Variants in HOPX observed in about 807,000 individuals in gnomAD.
HOPX encodes the protein HOP homeobox.
In HOPX, 5 loss-of-function variants were observed where a neutral mutation model predicts 11.8. The ratio of observed to expected loss-of-function variants is 0.43; its 90% CI spans 0.22 to 0.89. The LOEUF is 0.89. Among genes scored for constraint, HOPX ranks in the 40% least tolerant of loss-of-function variants. The probability of loss-of-function intolerance (pLI) is 0.28; values close to 1 mark genes in which losing one functional copy is unlikely to be tolerated. For missense variants in HOPX, 119 were observed against 120.0 expected, an observed-to-expected ratio of 0.99 and a Z score of 0.04; for synonymous variants, 49 against 49.7, an observed-to-expected ratio of 0.99 and a Z score of 0.06.
chr4:56,677,654 G>A (rs942937374), intron 1 of HOPX, among the ~76,000 whole-genome samples: 18 of 151,556 alleles, frequency 1.2e-4, no homozygotes, highest in Non-Finnish European at 1.8e-4. Context: ...GGGTGGAGCC[G>A]GTGAGGCTCT....
chr4:56,656,175 GC>G, intron 2 of HOPX, 163 bp from the exon 3 acceptor site: 1 of 1,104,820 alleles, frequency 9.1e-7, no homozygotes, highest in Non-Finnish European at 1.2e-6. Context: ...CTGAGCGGGG[GC>G]TTACGGCTGC....
At chr4:56,660,568 A>AT (rs369721959) in intron 1 of HOPX, among the ~76,000 whole-genome samples, 1 of 151,498 alleles carries the variant, frequency 6.6e-6, no homozygotes, top group African/African-American at 2.4e-5. Flanking sequence ...TTGAAAAAAA[A>AT]TTTTTTTTCC....
In HOPX at chr4:56,651,598, A is replaced by G. The variant is rs185420373; in HGVS notation, c.199-2801T>C. On this transcript the variant is annotated intron_variant, in intron 3 of 3. Transcript: ENST00000420433. Reference sequence around the variant, plus strand: ...TTTATTTACTCTGAATAAACAGATGATAATTAGACACTGTGATGGGTAGGG... The same window carrying G: ...TTTATTTACTCTGAATAAACAGATGGTAATTAGACACTGTGATGGGTAGGG... Among the ~76,000 whole-genome samples, 4 of 152,324 alleles carry G rather than the reference A, an allele frequency of 2.6e-5. No homozygotes were observed. The East Asian group carries it at 7.7e-4, about 29-fold the overall frequency.
chr4:56,654,398 C>T (rs977643626), intron 3 of HOPX, among the ~76,000 whole-genome samples: 2 of 152,184 alleles, frequency 1.3e-5, no homozygotes, highest in African/African-American at 4.8e-5. Context: ...GCTGTGCCCA[C>T]AATATTTCAC....
At chr4:56,662,714 T>G (rs1052352766) in intron 1 of HOPX, 1 of 152,416 alleles carries the variant, frequency 6.6e-6, no homozygotes, top group African/African-American at 2.4e-5. Flanking sequence ...TAACCTCAAG[T>G]GATCTGCCCG....
chr4:56,671,231 A>G (rs909937799), intron 1 of HOPX, among the ~76,000 whole-genome samples: 4 of 152,010 alleles, frequency 2.6e-5, no homozygotes, highest in African/African-American at 9.7e-5. Context: ...CAAATTACAT[A>G]GTAAGATACA....
chr4:56,656,507 G>A, intron 2 of HOPX: 6 of 984,852 alleles, frequency 6.1e-6, no homozygotes, highest in Non-Finnish European at 7.2e-6. Context: ...CTCCCCGGTA[G>A]GCGGCCTTCT....
intron 1 of HOPX, among the ~76,000 whole-genome samples, chr4:56,673,968 G>A: frequency 6.6e-6 from 1 of 151,588 alleles, no homozygotes; most frequent in Non-Finnish European, 1.5e-5. Context: ...TCCTCCCAAA[G>A]TGCTGGGATT....
chr4:56,652,478 C>T (rs1336348848), intron 3 of HOPX, among the ~76,000 whole-genome samples: 1 of 152,080 alleles, frequency 6.6e-6, no homozygotes, highest in Non-Finnish European at 1.5e-5. Flanking sequence ...GCTTTAGTGA[C>T]CCTTTCCCAT....
At chr4:56,676,077 G>T (rs1339478115) in intron 1 of HOPX, among the ~76,000 whole-genome samples, 1 of 151,568 alleles carries the variant, frequency 6.6e-6, no homozygotes, top group African/African-American at 2.4e-5. Flanking sequence ...TGGACAGATC[G>T]TTTGAGCTCA....
chr4:56,655,431 C>G (rs564210859), intron 3 of HOPX, among the ~76,000 whole-genome samples: 37 of 152,330 alleles, frequency 2.4e-4, no homozygotes, highest in African/African-American at 8.7e-4. Context: ...CCAGCTCTGA[C>G]ATTCCCGCCT....
intron 3 of HOPX, among the ~76,000 whole-genome samples, chr4:56,654,677 G>T (rs1717506361): frequency 6.6e-6 from 1 of 152,194 alleles, no homozygotes; most frequent in African/African-American, 2.4e-5. Context: ...GCTCTCCAAA[G>T]AGTGCCTCTG....
intron 3 of HOPX, among the ~76,000 whole-genome samples, chr4:56,653,629 G>A (rs1380871687): frequency 6.6e-6 from 1 of 152,154 alleles, no homozygotes; most frequent in Non-Finnish European, 1.5e-5. Flanking sequence ...CAGGAAGACA[G>A]AGGGGCAAGC....
rs1367123934 is a variant in HOPX, at chr4:56,648,180, G to T, written c.*540C>A. On this transcript the variant is annotated 3_prime_UTR_variant, in exon 4 of 4. Transcript: ENST00000420433. ...GAGTTTCTGTCTTCTGGCCCAACAG[G>T]CTTCTTTCCAAGTTAATGCAGCTAT... is the stretch of plus-strand genomic sequence containing the variant. 1 of 152,010 alleles carries T rather than the reference G, an allele frequency of 6.6e-6. No homozygotes were observed. The highest frequency in any genetic ancestry group is 1.5e-5 in the Non-Finnish European group (1 of 68,012). 9.4% of individuals were successfully genotyped at this position (152,010 alleles called of 1,614,324 possible). A position where few individuals can be genotyped will look rare whatever the true frequency, so the allele number is the denominator to read the frequency against.
chr4:56,674,395 C>G (rs1718895322), intron 1 of HOPX, among the ~76,000 whole-genome samples: 1 of 151,628 alleles, frequency 6.6e-6, no homozygotes, highest in Non-Finnish European at 1.5e-5. Flanking sequence ...TAGGGAGAAG[C>G]CACAAGGAAG....
intron 1 of HOPX, chr4:56,659,661 A>G (rs1435903436): frequency 2.0e-5 from 3 of 152,206 alleles, no homozygotes; most frequent in Non-Finnish European, 4.4e-5. Context: ...ACCTGTGGAA[A>G]TGTCTAAGCC....
chr4:56,671,222 A>C (rs1397374654), intron 1 of HOPX, among the ~76,000 whole-genome samples: 1 of 152,006 alleles, frequency 6.6e-6, no homozygotes, highest in Non-Finnish European at 1.5e-5. Context: ...GCCTGAGCTC[A>C]AATTACATAG....
chr4:56,675,301 C>T lies in HOPX; in HGVS notation c.-84+5954G>A, dbSNP rs535801602. ...TCAAGAGCCAGCTCAGATACAAGCTCATCCTAAGATTCCAAGCAAGTCACT... is the reference window on the plus strand; with the variant it reads ...TCAAGAGCCAGCTCAGATACAAGCTTATCCTAAGATTCCAAGCAAGTCACT... On this transcript the variant is annotated intron_variant, in intron 1 of 3. Transcript: ENST00000420433. 2.6e-5 allele frequency among the ~76,000 whole-genome samples: 4 copies of T among 151,730 alleles called. No homozygotes were observed. In the East Asian group the frequency reaches 5.8e-4, roughly 22 times the overall value.
At chr4:56,669,660 AAATAATAAT>A (rs148353976) in intron 1 of HOPX, among the ~76,000 whole-genome samples, 18,071 of 146,362 alleles carry the variant, frequency 0.12, 1,368 homozygotes, top group African/African-American at 0.22. Flanking sequence ...CTCTGTCTCA[AAATAATAAT>A]AATAATAATA....
Sources: gnomAD v4.1 joint callset for allele counts (sites outside exome capture counted in the v4.1 genomes callset) on GRCh38, gnomAD v4.1.1 for gene constraint, MANE v1.5 for transcripts, NCBI Gene and HGNC (gene_info 2026-07-23, HGNC 2026-07-21) for gene names.